SRGAP1: variants seen among roughly 807,000 people sequenced by gnomAD.
The protein encoded by SRGAP1 is SLIT-ROBO Rho GTPase activating protein 1.
In SRGAP1, 43 loss-of-function variants were observed where a neutral mutation model predicts 121.9. The observed-to-expected ratio is 0.35, with a 90% CI of 0.28 to 0.46. SRGAP1 has a LOEUF of 0.46. Ranked by LOEUF, SRGAP1 falls within the 20% of genes least tolerant of loss-of-function variation. The pLI is 1.00. For missense variants in SRGAP1, 1,102 were observed against 1,350.9 expected (o/e 0.82, Z 2.89); for synonymous variants, 447 against 485.4 (o/e 0.92, Z 1.04).
At chr12:64,074,162 C>G (rs936713938) in intron 8 of SRGAP1, among the ~76,000 whole-genome samples, 1 of 152,170 alleles carries the variant, frequency 6.6e-6, no homozygotes, top group Non-Finnish European at 1.5e-5. Context: ...AAATGTTTTT[C>G]AAATATCCCC....
At chr12:63,923,183 T>C (rs1297838246) in intron 1 of SRGAP1, among the ~76,000 whole-genome samples, 1 of 152,220 alleles carries the variant, frequency 6.6e-6, no homozygotes, top group Non-Finnish European at 1.5e-5. Flanking sequence ...TACCAGCCTT[T>C]TCTTATGTAC....
intron 1 of SRGAP1, among the ~76,000 whole-genome samples, chr12:63,911,686 A>G (rs1467321531): frequency 1.3e-5 from 2 of 152,226 alleles, no homozygotes; most frequent in African/African-American, 4.8e-5. Context: ...AACTCTTGAC[A>G]ACCATCTCAG....
chr12:64,140,354 T>C (rs911436069), intron 21 of SRGAP1, among the ~76,000 whole-genome samples: 4 of 145,160 alleles, frequency 2.8e-5, no homozygotes, highest in South Asian at 4.6e-4. Flanking sequence ...TTTCACGATA[T>C]TGATTCTTCC....
chr12:63,969,985 C>A (rs1237675868), intron 1 of SRGAP1, among the ~76,000 whole-genome samples: 1 of 152,038 alleles, frequency 6.6e-6, no homozygotes, highest in Non-Finnish European at 1.5e-5. Flanking sequence ...TCCCTCCTGA[C>A]TTTCTCCTCT....
intron 1 of SRGAP1, among the ~76,000 whole-genome samples, chr12:63,892,862 G>A (rs571971554): frequency 1.1e-4 from 17 of 151,712 alleles, no homozygotes; most frequent in Non-Finnish European, 2.1e-4. Context: ...AGACTGTAGC[G>A]CATTTAATTA....
chr12:63,865,048 T>G (rs1899577050), intron 1 of SRGAP1, among the ~76,000 whole-genome samples: 2 of 152,178 alleles, frequency 1.3e-5, no homozygotes, highest in African/African-American at 4.8e-5. Flanking sequence ...GTGCAATTAC[T>G]TTTGCACCAT....
intron 1 of SRGAP1, among the ~76,000 whole-genome samples, chr12:63,915,632 G>T (rs943020921): frequency 6.6e-6 from 1 of 152,168 alleles, no homozygotes; most frequent in Non-Finnish European, 1.5e-5. Flanking sequence ...AAGGAGACCT[G>T]TGGAAATGTG....
chr12:63,989,925 G>C lies in SRGAP1; in HGVS notation c.279G>C (p.Leu93=), dbSNP rs2136417926. Residue 93 remains leucine, a synonymous_variant, in exon 3 of 22, where the codon CTG becomes CTC. Transcript: ENST00000355086. ...DHQQYKKDQN[L]LSPVNCWYLL... ...CACTTCTTAGGAAAGACCAGAACCT[G>C]TTGTCTCCAGTGAACTGCTGGTATT... 6.2e-7 allele frequency: 1 copy of C among 1,608,522 alleles called. No individual in the cohort carries two copies. The highest frequency in any genetic ancestry group is 8.5e-7 in the Non-Finnish European group (1 of 1,178,290).
At chr12:64,116,102 A>T (rs956048377) in intron 18 of SRGAP1, 1 of 493,080 alleles carries the variant, frequency 2.0e-6, no homozygotes, top group Non-Finnish European at 3.7e-6. Context: ...AAAAAAATAC[A>T]AAAAATTAGC....
Position 64,146,121 on chromosome 12 carries a change from C to G in SRGAP1, c.*3449C>G, listed in dbSNP as rs571480835. 6.6e-6 allele frequency: 1 copy of G among 152,134 alleles called. No homozygotes were observed. 9.4% of individuals were successfully genotyped at this position (152,134 alleles called of 1,614,324 possible). On this transcript the variant is annotated 3_prime_UTR_variant, in exon 22 of 22. Coordinates refer to ENST00000355086, the MANE Select transcript of SRGAP1 (RefSeq NM_020762.4). ...AGTACACATTTTCTAATGGGCGTTA[C>G]GTGAACTGTTTGAACCTGCTGAGTG...
chr12:63,894,352 C>G (rs1900682304), intron 1 of SRGAP1, among the ~76,000 whole-genome samples: 1 of 152,136 alleles, frequency 6.6e-6, no homozygotes, highest in South Asian at 2.1e-4. Flanking sequence ...CTCTCACACT[C>G]TCCCCCTCCT....
At chr12:63,957,657 C>T (rs1376051144) in intron 1 of SRGAP1, among the ~76,000 whole-genome samples, 3 of 152,072 alleles carry the variant, frequency 2.0e-5, no homozygotes, top group Admixed American at 2.0e-4. Context: ...AAAGAAAAAC[C>T]ATATGGGAAC....
At chr12:63,917,069 C>G (rs2030811026) in intron 1 of SRGAP1, among the ~76,000 whole-genome samples, 1 of 152,126 alleles carries the variant, frequency 6.6e-6, no homozygotes. Context: ...AGGAATCTCA[C>G]TTGTGAGATT....
chr12:63,921,985 T>C (rs934272753), intron 1 of SRGAP1, among the ~76,000 whole-genome samples: 2 of 151,848 alleles, frequency 1.3e-5, no homozygotes, highest in African/African-American at 4.8e-5. Context: ...TTCTTTCTTT[T>C]TTTTTTTTTT....
At chr12:63,937,894 A>G (rs758942812) in intron 1 of SRGAP1, among the ~76,000 whole-genome samples, 13 of 152,240 alleles carry the variant, frequency 8.5e-5, no homozygotes, top group Non-Finnish European at 1.6e-4. Context: ...GCATGTGGAA[A>G]CAGCACACTG....
intron 1 of SRGAP1, among the ~76,000 whole-genome samples, chr12:63,973,267 T>G (rs1359178031): frequency 6.6e-6 from 1 of 152,248 alleles, no homozygotes; most frequent in African/African-American, 2.4e-5. Flanking sequence ...CTAAACATTC[T>G]AGTAGACCAT....
At chr12:63,983,925 T>C (rs1349282567) in intron 1 of SRGAP1, 22 bp from the exon 2 acceptor site, 4 of 1,394,990 alleles carry the variant, frequency 2.9e-6, no homozygotes. Flanking sequence ...TAACCATCCA[T>C]TGGCTTCTCT....
At chr12:64,000,879 A>G (rs189024097) in intron 3 of SRGAP1, among the ~76,000 whole-genome samples, 4 of 152,342 alleles carry the variant, frequency 2.6e-5, no homozygotes, top group Admixed American at 2.6e-4. Context: ...GAGAAGAAAG[A>G]ATGGTCTATT....
chr12:64,088,092 A>T (rs2035980848), intron 11 of SRGAP1, among the ~76,000 whole-genome samples: 1 of 152,236 alleles, frequency 6.6e-6, no homozygotes, highest in Non-Finnish European at 1.5e-5. Flanking sequence ...TATCTGCTGC[A>T]GTAATTGGCA....
Sources: allele counts gnomAD v4.1 joint callset (sites outside exome capture counted in the v4.1 genomes callset), GRCh38; gene constraint gnomAD v4.1.1; transcripts MANE v1.5; gene names NCBI Gene and HGNC (gene_info 2026-07-23, HGNC 2026-07-21).